SPSB3: variants seen among roughly 807,000 people sequenced by gnomAD.
The protein encoded by SPSB3 is SPRY domain-containing SOCS box protein 3.
A neutral mutation model predicts 29.5 loss-of-function variants in SPSB3; 18 were observed. That is an observed-to-expected ratio of 0.61 (90% CI 0.42 to 0.91). The LOEUF is 0.91. Among genes scored for constraint, SPSB3 ranks in the 40% least tolerant of loss-of-function variants. The pLI is 0.00. For synonymous variants in SPSB3, 299 were observed against 214.1 expected (o/e 1.40, Z -3.46); for missense variants, 540 against 507.5 (o/e 1.06, Z -0.61).
Position 1,776,817 on chromosome 16 carries a change from T to C in SPSB3, c.*280A>G, listed in dbSNP as rs538680542. 18 of 513,084 alleles carry C rather than the reference T, an allele frequency of 3.5e-5. No individual in the cohort carries two copies. Among genetic ancestry groups the C allele is most frequent in the Middle Eastern group, 1.0e-3 (2 of 1,966 alleles). The allele number at this position is 513,084 out of a possible 1,614,324, so 31.8% of individuals were successfully genotyped here. A position where few individuals can be genotyped will look rare whatever the true frequency, so the allele number is the denominator to read the frequency against. ...CAAGTTAGGAAAAACCGAGGCCCTG[T>C]GGGAACAGCAACGCGGGCTCCAGCC... On this transcript the variant is annotated 3_prime_UTR_variant, in exon 7 of 7. Coordinates refer to ENST00000566339, the MANE Select transcript of SPSB3 (RefSeq NM_080861.4).
chr16:1,778,681 C>T, intron 2 of SPSB3, 69 bp from the exon 3 acceptor site: 1 of 1,471,258 alleles, frequency 6.8e-7, no homozygotes, highest in Non-Finnish European at 9.0e-7. Flanking sequence ...GCCCTCTGTC[C>T]CTGTCCCACC....
rs1271938508 is a variant in SPSB3 at position 1,777,086 on chromosome 16, T to C, written c.*11A>G. 1 of 1,608,448 alleles carries C rather than the reference T, an allele frequency of 6.2e-7. No individual in the cohort carries two copies. The highest frequency in any genetic ancestry group is 1.1e-5 in the South Asian group (1 of 90,814). The stretch of plus-strand genomic sequence containing the variant: ...TCCCAGCCCAAGAAGGCAGTTCCAC[T>C]GGGAAGTCAGTCAGGTCCGGCGGCA... On this transcript the variant is annotated 3_prime_UTR_variant, in exon 7 of 7. Coordinates refer to ENST00000566339, the MANE Select transcript of SPSB3 (RefSeq NM_080861.4).
At chr16:1,779,603 T>C (rs1896646058) in intron 2 of SPSB3, 1 of 152,180 alleles carries the variant, frequency 6.6e-6, no homozygotes, top group African/African-American at 2.4e-5. Flanking sequence ...TGCCTAGAAG[T>C]GCGGGTCCCC....
chr16:1,781,450 G>A lies in SPSB3; in HGVS notation c.34C>T (p.His12Tyr). The A allele has an allele frequency of 6.2e-7, 1 of 1,612,768 alleles. No homozygotes were observed. Residue 12 changes from histidine (H) to tyrosine (Y), a missense_variant, in exon 2 of 7, where the codon CAC becomes TAC. Coordinates refer to ENST00000566339, the MANE Select transcript of SPSB3 (RefSeq NM_080861.4). Reference protein sequence around the residue: ...ARRPRNSRAWHFVLSAARRDA... With the variant: ...ARRPRNSRAWYFVLSAARRDA... ...CGGCGGGCTGCACTCAGGACGAAGT[G>A]CCAGGCCCTGCTGTTCCGGGGGCGT...
chr16:1,781,156 G>A, intron 2 of SPSB3: 14 of 1,527,076 alleles, frequency 9.2e-6, no homozygotes, highest in Admixed American at 3.9e-5. Context: ...TCACCCCTGA[G>A]GCTGTGTGTG....
rs927043276 is a variant in SPSB3, at chr16:1,776,719, T to C, written c.*378A>G. On this transcript the variant is annotated 3_prime_UTR_variant, in exon 7 of 7. Coordinates refer to ENST00000566339, the MANE Select transcript of SPSB3 (RefSeq NM_080861.4). ...GTTTCAGCTCACGCCATGTGGGTGT[T>C]AGACATCAACTCTACATTTATTGCA... 6.2e-6 allele frequency: 2 copies of C among 323,830 alleles called. No homozygotes were observed. Among genetic ancestry groups the C allele is most frequent in the East Asian group, 6.2e-5 (1 of 16,102 alleles). 20.1% of individuals were successfully genotyped at this position (323,830 alleles called of 1,614,324 possible).
rs2141984922 is a variant in SPSB3, at chr16:1,776,787, C to T, written c.*310G>A. 2 of 471,878 alleles carry T rather than the reference C, an allele frequency of 4.2e-6. No homozygotes were observed. Among genetic ancestry groups the T allele is most frequent in the Non-Finnish European group, 7.6e-6 (2 of 264,350 alleles). 29.2% of individuals were successfully genotyped at this position (471,878 alleles called of 1,614,324 possible). ...CGGCGGGGCAGCCGCTGACAGCATGCAGAGCAAGTTAGGAAAAACCGAGGC... is the reference window on the plus strand; with the variant it reads ...CGGCGGGGCAGCCGCTGACAGCATGTAGAGCAAGTTAGGAAAAACCGAGGC... On this transcript the variant is annotated 3_prime_UTR_variant, in exon 7 of 7. Transcript: ENST00000566339.
rs758924270 is a variant in SPSB3, at chr16:1,777,157, G to A, written c.1008C>T (p.Ser336=). The A allele has an allele frequency of 7.3e-5, 118 of 1,611,306 alleles. No homozygotes were observed. Among genetic ancestry groups the A allele is most frequent in the Non-Finnish European group, 9.4e-5 (111 of 1,179,854 alleles). Residue 336 remains serine (S), a synonymous_variant, in exon 7 of 7, where the codon TCC becomes TCT. Coordinates refer to ENST00000566339, the MANE Select transcript of SPSB3 (RefSeq NM_080861.4). The stretch of plus-strand genomic sequence containing the variant: ...GAGGCTCGCGACTGCTGGGGTGGGC[G>A]GAGGTCGCTGCCTGGGGATCGGACA... ...APVSDPQAAT[S]AHPSSREPRP... is the part of the protein sequence containing the mutation.
rs2042736322 is a variant in SPSB3 at position 1,777,815 on chromosome 16, G to A, written c.653C>T (p.Ser218Phe). The change falls in exon 6 of 7, where the codon TCC (serine) becomes TTC (phenylalanine). Residue 218 changes from serine (S) to phenylalanine (F), a missense_variant. By Grantham distance (155) the Ser-to-Phe change is radical (BLOSUM62 -2). Transcript: ENST00000566339. The stretch of plus-strand genomic sequence containing the variant: ...GGTGTCCAGGTGCACGCCAATGATG[G>A]AGCCCTGGCCGAACCGCGATGAGAA... ...TSFSSRFGQGSIIGVHLDTWH... is the reference protein window; with the variant it reads ...TSFSSRFGQGFIIGVHLDTWH... 2 of 1,612,936 alleles carry A rather than the reference G, an allele frequency of 1.2e-6. No homozygotes were observed. The highest frequency in any genetic ancestry group is 2.7e-5 in the African/African-American group (2 of 75,038).
chr16:1,781,590 C>A, intron 1 of SPSB3, 95 bp from the exon 2 acceptor site: 1 of 1,375,640 alleles, frequency 7.3e-7, no homozygotes, highest in South Asian at 1.4e-5. Context: ...AAAGTGGGGA[C>A]TGCAGGGGCC....
intron 2 of SPSB3, chr16:1,780,846 G>A: frequency 3.3e-6 from 1 of 304,972 alleles, no homozygotes; most frequent in Non-Finnish European, 6.4e-6. Context: ...AATCCTCCCA[G>A]CTCAGCCTCC....
At position 1,778,560 on chromosome 16, in the gene SPSB3, G is replaced by A. The variant is rs982178048; in HGVS notation, c.179C>T (p.Pro60Leu). The A allele has an allele frequency of 3.1e-6, 5 of 1,601,010 alleles. No homozygotes were observed. Among genetic ancestry groups the A allele is most frequent in the Admixed American group, 3.4e-5 (2 of 59,444 alleles). The change falls in exon 3 of 7, where the codon CCC (proline) becomes CTC (leucine). Residue 60 changes from proline to leucine, a missense_variant. Physicochemically the swap from Pro to Leu is moderately conservative, Grantham distance 98. Coordinates refer to ENST00000566339, the MANE Select transcript of SPSB3 (RefSeq NM_080861.4). The part of the protein sequence containing the change: ...PEYSTLPPSI[P>L]SAVPVTGESF... The stretch of plus-strand genomic sequence containing the variant: ...CTCGCCGGTCACGGGCACCGCACTG[G>A]GGATGGATGGCGGCAGCGTGGAGTA...
At chr16:1,780,277 G>A (rs1270793351) in intron 2 of SPSB3, 1 of 152,392 alleles carries the variant, frequency 6.6e-6, no homozygotes, top group East Asian at 1.9e-4. Context: ...GTAGCTGGAA[G>A]TGGGGCAGGG....
Position 1,781,429 on chromosome 16 carries a change from G to A in SPSB3, c.55C>T (p.Arg19Cys), listed in dbSNP as rs748496252. ...RAWHFVLSAARRDADARAVAL... is the reference protein window; with the variant it reads ...RAWHFVLSAACRDADARAVAL... ...ACGGCCCGGGCATCTGCGTCTCGGC[G>A]GGCTGCACTCAGGACGAAGTGCCAG... Residue 19 changes from arginine to cysteine, a missense_variant, in exon 2 of 7, where the codon CGC becomes TGC. Transcript: ENST00000566339. 1 of 1,612,798 alleles carries A rather than the reference G, an allele frequency of 6.2e-7. No individual in the cohort carries two copies. The highest frequency in any genetic ancestry group is 8.5e-7 in the Non-Finnish European group (1 of 1,180,006).
intron 2 of SPSB3, chr16:1,780,597 GTT>G (rs1896676366): frequency 6.5e-6 from 1 of 152,894 alleles, no homozygotes; most frequent in African/African-American, 2.4e-5. Flanking sequence ...GGGTTTTTCT[GTT>G]TGTTTGTTTT....
At position 1,782,557 on chromosome 16, in the gene SPSB3, G is replaced by T. The variant is rs114033402; in HGVS notation, c.-68C>A. The T allele has an allele frequency of 4.5e-4, 70 of 156,402 alleles. No homozygotes were observed. Among genetic ancestry groups the T allele is most frequent in the Non-Finnish European group, 8.8e-4 (62 of 70,622 alleles). The allele number at this position is 156,402 out of a possible 1,614,324, so 9.7% of individuals were successfully genotyped here. A position where few individuals can be genotyped will look rare whatever the true frequency, so the allele number is the denominator to read the frequency against. On this transcript the variant is annotated 5_prime_UTR_variant, in exon 1 of 7. Transcript: ENST00000566339. ...CGGCCCTGACCCACTTTCCGCCCCG[G>T]AGCGAGACGTAAACAATCCCCGCCC...
At position 1,776,845 on chromosome 16, in the gene SPSB3, G is replaced by A. The variant is rs1454277738; in HGVS notation, c.*252C>T. 3.7e-6 allele frequency: 2 copies of A among 542,064 alleles called. No individual in the cohort carries two copies. The highest frequency in any genetic ancestry group is 3.8e-5 in the African/African-American group (2 of 52,442). 33.6% of individuals were successfully genotyped at this position (542,064 alleles called of 1,614,324 possible). ...GAACAGCAACGCGGGCTCCAGCCAG[G>A]CTCTCGTCCTCGCAGCCTCCCACAA... On this transcript the variant is annotated 3_prime_UTR_variant, in exon 7 of 7. Coordinates refer to ENST00000566339, the MANE Select transcript of SPSB3 (RefSeq NM_080861.4).
At chr16:1,781,025 G>A (rs1426667974) in intron 2 of SPSB3, 3 of 596,994 alleles carry the variant, frequency 5.0e-6, no homozygotes, top group Non-Finnish European at 7.9e-6. Context: ...GAGCCACAGT[G>A]CCCAGCCCCG....
chr16:1,781,287 T>C (rs866879912), intron 2 of SPSB3, 71 bp downstream of exon 2: 4 of 1,612,028 alleles, frequency 2.5e-6, no homozygotes, highest in Admixed American at 3.3e-5. Context: ...GTTCAGGTAA[T>C]GTCTGCCTGC....
Sources: gnomAD v4.1 joint callset for allele counts on GRCh38, gnomAD v4.1.1 for gene constraint, MANE v1.5 for transcripts, NCBI Gene and HGNC (gene_info 2026-07-23, HGNC 2026-07-21) for gene names.